DPP10: variants seen among roughly 807,000 people sequenced by gnomAD.
DPP10 encodes dipeptidyl peptidase like 10, also known as inactive dipeptidyl peptidase 10.
A neutral mutation model predicts 120.9 loss-of-function variants in DPP10; 33 were observed. The observed-to-expected ratio is 0.27, with a 90% CI of 0.21 to 0.37. The LOEUF is 0.37. DPP10 is among the 10% of genes least tolerant of loss of function. The pLI, the probability that DPP10 is intolerant of heterozygous loss-of-function variation, is 1.00. For missense variants in DPP10, 816 were observed against 942.8 expected (o/e 0.87, Z 1.76); for synonymous variants, 337 against 326.1 (o/e 1.03, Z -0.36).
At chr2:115,317,380 A>G (rs964867061) in intron 2 of DPP10, among the ~76,000 whole-genome samples, 4 of 152,094 alleles carry the variant, frequency 2.6e-5, no homozygotes, top group African/African-American at 4.8e-5. Flanking sequence ...ATCCCTTTTT[A>G]TGGCTCATAG....
At chr2:114,531,401 A>G (rs1204080213) in intron 1 of DPP10, among the ~76,000 whole-genome samples, 1 of 151,906 alleles carries the variant, frequency 6.6e-6, no homozygotes, top group Admixed American at 6.6e-5. Context: ...AGTATTTATT[A>G]TGAAAGAAAG....
intron 3 of DPP10, among the ~76,000 whole-genome samples, chr2:115,390,590 A>G (rs1009386795): frequency 6.6e-6 from 1 of 152,026 alleles, no homozygotes; most frequent in Non-Finnish European, 1.5e-5. Context: ...TTCTCAGCAT[A>G]CCAATTTTCC....
intron 5 of DPP10, among the ~76,000 whole-genome samples, chr2:115,624,873 G>T (rs1274615089): frequency 6.6e-6 from 1 of 151,942 alleles, no homozygotes; most frequent in Admixed American, 6.6e-5. Flanking sequence ...AATGAATATA[G>T]GTATCATGAT....
At chr2:115,564,242 T>A (rs1404703642) in intron 5 of DPP10, among the ~76,000 whole-genome samples, 1 of 151,936 alleles carries the variant, frequency 6.6e-6, no homozygotes, top group East Asian at 1.9e-4. Context: ...CTTTTTTTTT[T>A]TTTTTTGGTC....
At chr2:114,821,289 G>A (rs908857040) in intron 1 of DPP10, among the ~76,000 whole-genome samples, 1 of 152,198 alleles carries the variant, frequency 6.6e-6, no homozygotes, top group Non-Finnish European at 1.5e-5. Flanking sequence ...GGGTGGCTAT[G>A]CTGCTAGGCA....
chr2:115,103,511 G>A (rs992576436), intron 1 of DPP10, among the ~76,000 whole-genome samples: 1 of 152,142 alleles, frequency 6.6e-6, no homozygotes, highest in Admixed American at 6.6e-5. Context: ...CTTGAACCAA[G>A]TCTTCTTTCA....
intron 1 of DPP10, among the ~76,000 whole-genome samples, chr2:114,448,242 G>A (rs1225712590): frequency 6.6e-6 from 1 of 152,080 alleles, no homozygotes; most frequent in African/African-American, 2.4e-5. Context: ...TTACTTTGAA[G>A]AAGTATTCTT....
At chr2:114,749,533 C>G (rs950460298) in intron 1 of DPP10, among the ~76,000 whole-genome samples, 7 of 137,174 alleles carry the variant, frequency 5.1e-5, no homozygotes, top group African/African-American at 1.6e-4. Flanking sequence ...AACAAAGACA[C>G]TTATTCTAGC....
At chr2:114,690,466 T>G (rs1428489052) in intron 1 of DPP10, among the ~76,000 whole-genome samples, 1 of 152,144 alleles carries the variant, frequency 6.6e-6, no homozygotes, top group East Asian at 1.9e-4. Flanking sequence ...ACCCGTACCA[T>G]GCTGTTTTGG....
At chr2:114,818,035 G>C (rs1044091666) in intron 1 of DPP10, among the ~76,000 whole-genome samples, 1 of 152,012 alleles carries the variant, frequency 6.6e-6, no homozygotes, top group Admixed American at 6.6e-5. Flanking sequence ...GAAACATTCC[G>C]AACTAAGGAT....
intron 1 of DPP10, among the ~76,000 whole-genome samples, chr2:114,897,790 A>G (rs1179884977): frequency 6.6e-6 from 1 of 152,184 alleles, no homozygotes; most frequent in Non-Finnish European, 1.5e-5. Context: ...AATCAAAACC[A>G]CAATGAGATA....
At chr2:115,544,994 C>T (rs918348953) in intron 5 of DPP10, among the ~76,000 whole-genome samples, 13 of 151,660 alleles carry the variant, frequency 8.6e-5, no homozygotes, top group Admixed American at 5.3e-4. Context: ...GGATAGTTAC[C>T]GAGAAATGAC....
chr2:115,013,051 G>A (rs1244357842), intron 1 of DPP10, among the ~76,000 whole-genome samples: 1 of 152,124 alleles, frequency 6.6e-6, no homozygotes, highest in Non-Finnish European at 1.5e-5. Flanking sequence ...ATGCTGCCTG[G>A]TTATTTTGCC....
At chr2:114,457,299 T>C (rs562717724) in intron 1 of DPP10, among the ~76,000 whole-genome samples, 1 of 152,312 alleles carries the variant, frequency 6.6e-6, no homozygotes, top group South Asian at 2.1e-4. Context: ...GTCACTGGCA[T>C]CGTAGGATGT....
intron 1 of DPP10, among the ~76,000 whole-genome samples, chr2:114,643,423 C>A (rs1427928746): frequency 6.6e-6 from 1 of 151,870 alleles, no homozygotes; most frequent in Non-Finnish European, 1.5e-5. Context: ...AAGGACAGAG[C>A]AAGTACCATT....
intron 4 of DPP10, among the ~76,000 whole-genome samples, chr2:115,508,797 G>C (rs2077080729): frequency 6.6e-6 from 1 of 152,200 alleles, no homozygotes; most frequent in African/African-American, 2.4e-5. Context: ...CAGCTACTCA[G>C]GAGGCTGAGG....
chr2:114,643,573 C>T (rs974765807), intron 1 of DPP10, among the ~76,000 whole-genome samples: 1 of 151,836 alleles, frequency 6.6e-6, no homozygotes, highest in Admixed American at 6.6e-5. Flanking sequence ...GTGAGGGTCA[C>T]TGGACTGCAT....
chr2:115,259,438 C>T (rs1175019979), intron 1 of DPP10, among the ~76,000 whole-genome samples: 1 of 150,230 alleles, frequency 6.7e-6, no homozygotes, highest in Non-Finnish European at 1.5e-5. Context: ...GAGCCGAGAT[C>T]GCACCATTGC....
intron 1 of DPP10, among the ~76,000 whole-genome samples, chr2:115,169,225 G>C (rs920394990): frequency 6.6e-6 from 1 of 152,120 alleles, no homozygotes; most frequent in African/African-American, 2.4e-5. Flanking sequence ...AGGATGATGA[G>C]AATGTTGCAA....
Sources: allele counts gnomAD v4.1 joint callset (sites outside exome capture counted in the v4.1 genomes callset), GRCh38; gene constraint gnomAD v4.1.1; transcripts MANE v1.5; gene names NCBI Gene and HGNC (gene_info 2026-07-23, HGNC 2026-07-21).